The following IFT81 variants were observed in gnomAD, a reference collection of about 807,000 sequenced individuals.
IFT81 encodes intraflagellar transport protein 81 homolog.
In IFT81, 72 loss-of-function variants were observed where a neutral mutation model predicts 102.6. That is an observed-to-expected ratio of 0.70 (90% confidence interval 0.58 to 0.85). The LOEUF (loss-of-function observed/expected upper bound fraction) is 0.85. IFT81 is among the 40% of genes least tolerant of loss of function. The probability of loss-of-function intolerance (pLI) is 0.00; values close to 1 mark genes in which losing one functional copy is unlikely to be tolerated. For synonymous variants in IFT81, 237 were observed against 242.7 expected, an observed-to-expected ratio of 0.98 and a Z score of 0.22; for missense variants, 723 against 787.3, an observed-to-expected ratio of 0.92 and a Z score of 0.98.
At chr12:110,194,075 A>G (rs1897904368) in intron 14 of IFT81, among the ~76,000 whole-genome samples, 3 of 152,108 alleles carry the variant, frequency 2.0e-5, no homozygotes, top group African/African-American at 4.8e-5. Flanking sequence ...CTTTTAAACA[A>G]CGAGATCTTA....
chr12:110,186,238 CTTGTTTGTTTGT>C lies in IFT81; in HGVS notation c.1339-4655_1339-4644del, dbSNP rs139841661. On this transcript the variant is annotated intron_variant, in intron 12 of 18. Coordinates refer to ENST00000242591, the MANE Select transcript of IFT81 (RefSeq NM_014055.4). ...TTATTTCATAACATCAACTGTACAT[CTTGTTTGTTTGT>C]TTGTTTGTTTGTTTGTTTGTTTGTT... is the stretch of plus-strand genomic sequence containing the variant. 1.9e-3 allele frequency among the ~76,000 whole-genome samples: 288 copies of C among 150,910 alleles called. 1 individual carries two copies. The highest frequency in any genetic ancestry group is 2.7e-3 in the African/African-American group (112 of 41,026).
At chr12:110,142,293 A>C (rs1894938444) in intron 8 of IFT81, among the ~76,000 whole-genome samples, 1 of 151,960 alleles carries the variant, frequency 6.6e-6, no homozygotes, top group South Asian at 2.1e-4. Flanking sequence ...TCAGCCTCCC[A>C]AGTAGCTGAG....
chr12:110,185,192 T>C (rs1897470847), intron 12 of IFT81, among the ~76,000 whole-genome samples: 1 of 152,090 alleles, frequency 6.6e-6, no homozygotes, highest in Non-Finnish European at 1.5e-5. Flanking sequence ...TAAATTTTTT[T>C]TTCTTTTTTT....
At chr12:110,195,166 A>G (rs1457636545) in intron 14 of IFT81, among the ~76,000 whole-genome samples, 6 of 152,116 alleles carry the variant, frequency 3.9e-5, no homozygotes, top group African/African-American at 2.4e-5. Context: ...TTTAAAGCCT[A>G]TAAAAAATCT....
At chr12:110,157,115 CGAGGCAGGCA>C (rs1804895575) in intron 10 of IFT81, among the ~76,000 whole-genome samples, 1 of 151,612 alleles carries the variant, frequency 6.6e-6, no homozygotes, top group Non-Finnish European at 1.5e-5. Context: ...TTTGGGAGGC[CGAGGCAGGCA>C]GATCATGTGG....
At position 110,214,004 on chromosome 12, in the gene IFT81, G is replaced by A. The variant is rs533002974; in HGVS notation, c.1849-4040G>A. On this transcript the variant is annotated intron_variant, in intron 18 of 18. Coordinates refer to ENST00000242591, the MANE Select transcript of IFT81 (RefSeq NM_014055.4). ...TCTAAAAAGTGTTCACCTGTGATTT[G>A]TGAATAAATGACCATTATATCAAAG... 8.5e-4 allele frequency among the ~76,000 whole-genome samples: 129 copies of A among 152,104 alleles called. 1 individual carries two copies. The highest frequency in any genetic ancestry group is 2.7e-3 in the African/African-American group (111 of 41,486).
rs573956432 is a variant in IFT81 at position 110,147,344 on chromosome 12, T to TA, written c.1041+297dup. Among the ~76,000 whole-genome samples, 11 of 152,352 alleles carry TA rather than the reference T, an allele frequency of 7.2e-5. No homozygotes were observed. The East Asian group carries it at 2.1e-3, about 29-fold the overall frequency. ...GGAATTTATTTTTAAAATGAAAACTTACCTTAGGTGGTATAAATAAAAATA... is the reference window on the plus strand; with the variant it reads ...GGAATTTATTTTTAAAATGAAAACTTAACCTTAGGTGGTATAAATAAAAATA... On this transcript the variant is annotated intron_variant, in intron 10 of 18. Transcript: ENST00000242591.
At chr12:110,189,331 T>A (rs1897687516) in intron 12 of IFT81, among the ~76,000 whole-genome samples, 1 of 151,818 alleles carries the variant, frequency 6.6e-6, no homozygotes. Context: ...TAGTCCTTTT[T>A]AAAATTTTAT....
chr12:110,150,306 A>G (rs1239787323), intron 10 of IFT81, among the ~76,000 whole-genome samples: 2 of 151,942 alleles, frequency 1.3e-5, no homozygotes, highest in Non-Finnish European at 1.5e-5. Context: ...GGGTTTCACC[A>G]TGTTGGTCAG....
chr12:110,185,077 G>A (rs1436754025), intron 12 of IFT81, among the ~76,000 whole-genome samples: 2 of 152,176 alleles, frequency 1.3e-5, no homozygotes, highest in African/African-American at 4.8e-5. Context: ...TACTCTACCT[G>A]CCACAGTAAT....
chr12:110,190,727 A>G (rs1219534038), intron 12 of IFT81, among the ~76,000 whole-genome samples, 193 bp from the exon 13 acceptor site: 12 of 152,216 alleles, frequency 7.9e-5, no homozygotes, highest in Non-Finnish European at 1.3e-4. Context: ...ACCTGAAGAT[A>G]CCATAGGTTT....
chr12:110,155,385 A>G (rs1185451414), intron 10 of IFT81, among the ~76,000 whole-genome samples: 1 of 151,994 alleles, frequency 6.6e-6, no homozygotes, highest in African/African-American at 2.4e-5. Context: ...ATCTCAGCTC[A>G]CTGCAACCTC....
chr12:110,217,628 C>T (rs1870305867), intron 18 of IFT81, among the ~76,000 whole-genome samples: 1 of 151,612 alleles, frequency 6.6e-6, no homozygotes, highest in African/African-American at 2.4e-5. Context: ...GTGGCGTGAT[C>T]TCGGCTCACT....
At chr12:110,182,881 C>T (rs1897365132) in intron 12 of IFT81, among the ~76,000 whole-genome samples, 1 of 152,134 alleles carries the variant, frequency 6.6e-6, no homozygotes, top group South Asian at 2.1e-4. Flanking sequence ...CGTGGTGACA[C>T]CTATACTTTC....
chr12:110,214,767 A>G (rs922204450), intron 18 of IFT81, among the ~76,000 whole-genome samples: 2 of 152,304 alleles, frequency 1.3e-5, no homozygotes, highest in African/African-American at 4.8e-5. Flanking sequence ...AATAACTTTT[A>G]TAGGTTGTTA....
At chr12:110,183,754 C>T (rs1593348280) in intron 12 of IFT81, among the ~76,000 whole-genome samples, 1 of 152,186 alleles carries the variant, frequency 6.6e-6, no homozygotes, top group African/African-American at 2.4e-5. Flanking sequence ...AGGGCCTTGA[C>T]CAACAAGCTG....
rs562776788 is a variant in IFT81 at position 110,206,547 on chromosome 12, C to T, written c.1802+867C>T. ...AAAAGAGGCCGGGCATGGTGGTGGGCGCCCGTAGTCCCAGCTACTTAGGAG... is the reference window on the plus strand; with the variant it reads ...AAAAGAGGCCGGGCATGGTGGTGGGTGCCCGTAGTCCCAGCTACTTAGGAG... On this transcript the variant is annotated intron_variant, in intron 17 of 18. Transcript: ENST00000242591. 3.9e-5 allele frequency among the ~76,000 whole-genome samples: 6 copies of T among 152,112 alleles called. No homozygotes were observed. In the South Asian group the frequency reaches 6.2e-4, roughly 16 times the overall value.
At chr12:110,132,660 C>T (rs369143219) in intron 5 of IFT81, 24 bp downstream of exon 5, 61 of 1,274,452 alleles carry the variant, frequency 4.8e-5, no homozygotes, top group Non-Finnish European at 6.2e-5. Flanking sequence ...AACATAGTAA[C>T]AATTTTTTTG....
intron 18 of IFT81, chr12:110,216,577 G>C (rs2137623056): frequency 2.2e-6 from 1 of 453,038 alleles, no homozygotes; most frequent in East Asian, 7.0e-5. Context: ...GAGTGCAGTG[G>C]CACAATCTTG....
Sources: allele counts gnomAD v4.1 joint callset (sites outside exome capture counted in the v4.1 genomes callset), GRCh38; gene constraint gnomAD v4.1.1; transcripts MANE v1.5; gene names NCBI Gene and HGNC (gene_info 2026-07-23, HGNC 2026-07-21).